Variants in DPP10 observed in about 807,000 individuals in gnomAD.
The protein encoded by DPP10 is inactive dipeptidyl peptidase 10.
Under a neutral mutation model 120.9 loss-of-function variants are expected in DPP10, and 33 were observed. The observed-to-expected ratio is 0.27, with a 90% confidence interval of 0.21 to 0.37. The LOEUF (loss-of-function observed/expected upper bound fraction) is 0.37. Ranked by LOEUF, DPP10 falls within the 10% of genes least tolerant of loss-of-function variation. DPP10 has a pLI of 1.00. For synonymous variants in DPP10, 337 were observed against 326.1 expected, an observed-to-expected ratio of 1.03 and a Z score of -0.36; for missense variants, 816 against 942.8, an observed-to-expected ratio of 0.87 and a Z score of 1.76.
intron 1 of DPP10, among the ~76,000 whole-genome samples, chr2:115,063,010 C>G (rs12464971): frequency 0.63 from 95,921 of 152,046 alleles, 30,304 homozygotes; most frequent in South Asian, 0.66. Context: ...CCCACCAACA[C>G]TGTAAAAGCG....
chr2:114,473,096 C>A (rs1680066194), intron 1 of DPP10, among the ~76,000 whole-genome samples: 1 of 152,176 alleles, frequency 6.6e-6, no homozygotes, highest in Non-Finnish European at 1.5e-5. Flanking sequence ...AGCTTATTAT[C>A]ATTTTTTTTC....
intron 1 of DPP10, among the ~76,000 whole-genome samples, chr2:114,939,122 TAGAGA>T (rs1482559919): frequency 2.0e-5 from 3 of 152,010 alleles, no homozygotes; most frequent in African/African-American, 7.2e-5. Flanking sequence ...GAAAAAAAGC[TAGAGA>T]AAAGAAAACA....
intron 1 of DPP10, among the ~76,000 whole-genome samples, chr2:114,749,735 G>C (rs6710380): frequency 0.15 from 22,960 of 151,706 alleles, 2,452 homozygotes; most frequent in African/African-American, 0.3. Flanking sequence ...GCCACCACAC[G>C]CAGTCCAAGC....
At chr2:114,649,729 G>A (rs1200883336) in intron 1 of DPP10, among the ~76,000 whole-genome samples, 1 of 152,086 alleles carries the variant, frequency 6.6e-6, no homozygotes, top group Non-Finnish European at 1.5e-5. Flanking sequence ...TTCAGTTTTG[G>A]ACTAGTATAT....
At chr2:115,380,464 T>C (rs549397980) in intron 3 of DPP10, among the ~76,000 whole-genome samples, 132 of 152,256 alleles carry the variant, frequency 8.7e-4, no homozygotes, top group Non-Finnish European at 1.6e-3. Flanking sequence ...GTGAGATGGG[T>C]TTCCTGAATA....
At chr2:115,724,337 G>A (rs758561549) in intron 7 of DPP10, among the ~76,000 whole-genome samples, 1 of 152,154 alleles carries the variant, frequency 6.6e-6, no homozygotes, top group Non-Finnish European at 1.5e-5. Flanking sequence ...GGTAGTTGTG[G>A]CAGAAGAGAA....
At chr2:114,917,999 C>G (rs1366129363) in intron 1 of DPP10, among the ~76,000 whole-genome samples, 1 of 152,132 alleles carries the variant, frequency 6.6e-6, no homozygotes, top group African/African-American at 2.4e-5. Flanking sequence ...GCAAAAGAAA[C>G]TATCAACAGC....
At chr2:115,692,728 A>T (rs1235100583) in intron 7 of DPP10, among the ~76,000 whole-genome samples, 2 of 152,072 alleles carry the variant, frequency 1.3e-5, no homozygotes, top group Non-Finnish European at 2.9e-5. Context: ...TCTCATCTAT[A>T]AATAGAAATA....
chr2:115,236,211 T>G (rs895107161), intron 1 of DPP10, among the ~76,000 whole-genome samples: 1 of 152,240 alleles, frequency 6.6e-6, no homozygotes, highest in African/African-American at 2.4e-5. Flanking sequence ...GTATTATTAC[T>G]AAGTTACAGA....
intron 1 of DPP10, among the ~76,000 whole-genome samples, chr2:115,073,171 C>T (rs1364423126): frequency 6.6e-6 from 1 of 152,242 alleles, no homozygotes; most frequent in South Asian, 2.1e-4. Context: ...CATTTATTGT[C>T]TGTCTAAAAT....
At chr2:115,560,617 A>G (rs1397186232) in intron 5 of DPP10, among the ~76,000 whole-genome samples, 1 of 149,760 alleles carries the variant, frequency 6.7e-6, no homozygotes, top group Non-Finnish European at 1.5e-5. Context: ...GAGATCAGAA[A>G]TTTTTTTTTT....
intron 5 of DPP10, among the ~76,000 whole-genome samples, chr2:115,610,511 G>GTGTGTGTA (rs56136090): frequency 0.42 from 63,339 of 150,170 alleles, 13,802 homozygotes; most frequent in Non-Finnish European, 0.48. Context: ...GTGTGTGTGT[G>GTGTGTGTA]TGTTTTCAAC....
chr2:115,229,704 TC>T (rs2057636296), intron 1 of DPP10, among the ~76,000 whole-genome samples: 1 of 136,710 alleles, frequency 7.3e-6, no homozygotes, highest in Non-Finnish European at 1.6e-5. Context: ...TCTATTCTAT[TC>T]TATTCTATTC....
intron 8 of DPP10, among the ~76,000 whole-genome samples, chr2:115,731,650 C>T (rs1025210952): frequency 2.0e-5 from 3 of 152,146 alleles, no homozygotes; most frequent in South Asian, 4.1e-4. Context: ...AAAGCCAGGG[C>T]TTAGTCACTA....
At chr2:114,820,247 C>T (rs1685978055) in intron 1 of DPP10, among the ~76,000 whole-genome samples, 1 of 152,110 alleles carries the variant, frequency 6.6e-6, no homozygotes, top group South Asian at 2.1e-4. Flanking sequence ...CACCATTTTA[C>T]AGATGAAGAA....
intron 1 of DPP10, among the ~76,000 whole-genome samples, chr2:115,001,134 TA>T (rs1701412320): frequency 6.6e-6 from 1 of 152,198 alleles, no homozygotes; most frequent in Non-Finnish European, 1.5e-5. Flanking sequence ...GTCATTTCAA[TA>T]AAAATGTTAT....
At chr2:115,797,736 C>T (rs1051720968) in intron 19 of DPP10, among the ~76,000 whole-genome samples, 6 of 151,814 alleles carry the variant, frequency 4.0e-5, no homozygotes, top group Non-Finnish European at 8.8e-5. Flanking sequence ...CATATTTAAA[C>T]TTGTTCTTTC....
At chr2:115,067,405 C>A (rs1479894950) in intron 1 of DPP10, among the ~76,000 whole-genome samples, 1 of 151,512 alleles carries the variant, frequency 6.6e-6, no homozygotes, top group Non-Finnish European at 1.5e-5. Context: ...GCGCCCGCCA[C>A]CACGCCCGGC....
At chr2:114,831,822 T>A (rs1233975349) in intron 1 of DPP10, among the ~76,000 whole-genome samples, 1 of 144,478 alleles carries the variant, frequency 6.9e-6, no homozygotes, top group Non-Finnish European at 1.5e-5. Flanking sequence ...CTATATAAGG[T>A]TTGCTCTTCT....
Sources: allele counts gnomAD v4.1 joint callset (sites outside exome capture counted in the v4.1 genomes callset), GRCh38; gene constraint gnomAD v4.1.1; transcripts MANE v1.5; gene names NCBI Gene and HGNC (gene_info 2026-07-23, HGNC 2026-07-21).